Variants in PTPRD observed in about 807,000 individuals in gnomAD.
PTPRD encodes the protein protein tyrosine phosphatase receptor type D.
A neutral mutation model predicts 214.5 loss-of-function variants in PTPRD; 34 were observed. The ratio of observed to expected loss-of-function variants is 0.16; its 90% CI spans 0.12 to 0.21. The LOEUF is 0.21. Ranked by LOEUF, PTPRD falls within the 10% of genes least tolerant of loss-of-function variation. The pLI, the probability that PTPRD is intolerant of heterozygous loss-of-function variation, is 1.00. For synonymous variants in PTPRD, 1,128 were observed against 845.7 expected (o/e 1.33, Z -5.79); for missense variants, 2,545 against 2,398.7 (o/e 1.06, Z -1.27).
intron 7 of PTPRD, among the ~76,000 whole-genome samples, chr9:9,601,597 C>T (rs1012642224): frequency 2.0e-5 from 3 of 151,980 alleles, no homozygotes; most frequent in African/African-American, 7.2e-5. Flanking sequence ...AATTTACATT[C>T]TCAGTTTTTT....
intron 3 of PTPRD, among the ~76,000 whole-genome samples, chr9:10,190,071 A>G: frequency 6.6e-6 from 1 of 152,158 alleles, no homozygotes; most frequent in South Asian, 2.1e-4. Context: ...AACAGATTAG[A>G]AAAGTCAAAG....
chr9:9,663,552 T>C (rs1361975309), intron 7 of PTPRD, among the ~76,000 whole-genome samples: 2 of 151,448 alleles, frequency 1.3e-5, no homozygotes, highest in Admixed American at 6.6e-5. Flanking sequence ...ACAAATTCCA[T>C]CCCTATCAAA....
intron 11 of PTPRD, among the ~76,000 whole-genome samples, chr9:8,886,691 C>T (rs943307576): frequency 1.3e-5 from 2 of 152,132 alleles, no homozygotes; most frequent in East Asian, 1.9e-4. Flanking sequence ...CACCCCCTAC[C>T]CCTTGACTGT....
intron 11 of PTPRD, among the ~76,000 whole-genome samples, chr9:8,963,558 C>A (rs1373081555): frequency 6.6e-6 from 1 of 152,030 alleles, no homozygotes; most frequent in Non-Finnish European, 1.5e-5. Flanking sequence ...TGGTGAATCA[C>A]ATTTATTGAT....
chr9:9,874,647 G>A (rs771803340), intron 5 of PTPRD, among the ~76,000 whole-genome samples: 20 of 152,066 alleles, frequency 1.3e-4, no homozygotes, highest in Non-Finnish European at 1.8e-4. Flanking sequence ...TTTGAAATAT[G>A]TTTTTGCTTT....
chr9:10,157,053 A>C (rs2154283331), intron 3 of PTPRD, among the ~76,000 whole-genome samples: 1 of 152,304 alleles, frequency 6.6e-6, no homozygotes, highest in Admixed American at 6.5e-5. Flanking sequence ...TCTTGAAGAA[A>C]GAATACCATT....
intron 7 of PTPRD, among the ~76,000 whole-genome samples, chr9:9,733,111 G>A (rs1379935027): frequency 2.6e-5 from 4 of 152,106 alleles, no homozygotes; most frequent in South Asian, 2.1e-4. Context: ...AACTAGTCTC[G>A]CAATAAACAG....
chr9:9,127,808 G>A (rs1243356983), intron 10 of PTPRD, among the ~76,000 whole-genome samples: 1 of 151,854 alleles, frequency 6.6e-6, no homozygotes, highest in Non-Finnish European at 1.5e-5. Context: ...AAATATGAAG[G>A]AAAAAAAGAG....
chr9:9,120,714 A>G (rs566089244), intron 10 of PTPRD, among the ~76,000 whole-genome samples: 19 of 152,258 alleles, frequency 1.2e-4, no homozygotes, highest in African/African-American at 4.3e-4. Flanking sequence ...TAGCACCTGT[A>G]TATTCATAAC....
Position 8,627,942 on chromosome 9 carries a change from A to G in PTPRD, c.352+5375T>C, listed in dbSNP as rs144342744. On this transcript the variant is annotated intron_variant, in intron 14 of 45. Coordinates refer to ENST00000381196, the MANE Select transcript of PTPRD (RefSeq NM_002839.4). ...AGCATGGAAATGAGGTACACACGAA[A>G]GCTTTATCGTGTTGGTATCAATGTA... Among the ~76,000 whole-genome samples, 437 of 152,038 alleles carry G rather than the reference A, an allele frequency of 2.9e-3. 6 individuals are homozygous for G. The highest frequency in any genetic ancestry group is 0.01 in the African/African-American group (419 of 41,520).
intron 2 of PTPRD, among the ~76,000 whole-genome samples, chr9:10,570,792 G>C (rs1591184982): frequency 6.6e-6 from 1 of 151,996 alleles, no homozygotes; most frequent in Non-Finnish European, 1.5e-5. Context: ...CAAGCCTGGA[G>C]CTCAGGCTTC....
chr9:10,333,828 G>T (rs975322245), intron 3 of PTPRD, among the ~76,000 whole-genome samples: 18 of 151,740 alleles, frequency 1.2e-4, no homozygotes, highest in Non-Finnish European at 7.4e-5. Flanking sequence ...TGTGGAATTA[G>T]CTCCTGCATC....
chr9:10,081,543 A>G (rs1398350514), intron 3 of PTPRD, among the ~76,000 whole-genome samples: 1 of 152,048 alleles, frequency 6.6e-6, no homozygotes, highest in Non-Finnish European at 1.5e-5. Context: ...AAGTGAGTAG[A>G]CAGCCTTCTG....
At chr9:9,256,740 G>T (rs1359887450) in intron 9 of PTPRD, among the ~76,000 whole-genome samples, 1 of 151,904 alleles carries the variant, frequency 6.6e-6, no homozygotes, top group Admixed American at 6.6e-5. Context: ...GGATAGAAAT[G>T]ACACTTTAAA....
intron 3 of PTPRD, among the ~76,000 whole-genome samples, chr9:10,091,482 A>T (rs548761091): frequency 9.2e-5 from 14 of 151,724 alleles, no homozygotes; most frequent in African/African-American, 3.1e-4. Context: ...TATACATTTC[A>T]AATGAGATTA....
chr9:9,872,897 G>T (rs182603956), intron 5 of PTPRD, among the ~76,000 whole-genome samples: 1 of 152,020 alleles, frequency 6.6e-6, no homozygotes, highest in African/African-American at 2.4e-5. Context: ...AATCATATCC[G>T]CAAGCAGAGG....
At chr9:8,614,428 C>T (rs1381272387) in intron 14 of PTPRD, among the ~76,000 whole-genome samples, 1 of 152,094 alleles carries the variant, frequency 6.6e-6, no homozygotes, top group Non-Finnish European at 1.5e-5. Flanking sequence ...AAAGACCTCC[C>T]TGCCTGTATT....
intron 12 of PTPRD, among the ~76,000 whole-genome samples, chr9:8,725,530 G>A (rs368621052): frequency 1.1e-4 from 16 of 152,200 alleles, no homozygotes; most frequent in African/African-American, 3.9e-4. Flanking sequence ...TGCTCAAATT[G>A]TGAAGTTAAT....
At chr9:10,569,848 A>G (rs2066868657) in intron 2 of PTPRD, among the ~76,000 whole-genome samples, 1 of 152,176 alleles carries the variant, frequency 6.6e-6, no homozygotes, top group East Asian at 1.9e-4. Flanking sequence ...ATATTTGTGG[A>G]TGTAAAGAAA....
Sources: gnomAD v4.1 joint callset for allele counts (sites outside exome capture counted in the v4.1 genomes callset) on GRCh38, gnomAD v4.1.1 for gene constraint, MANE v1.5 for transcripts, NCBI Gene and HGNC (gene_info 2026-07-23, HGNC 2026-07-21) for gene names.